The following ITPR2 variants were observed in gnomAD, a reference collection of about 807,000 sequenced individuals.
ITPR2 encodes inositol 1,4,5-trisphosphate receptor type 2.
Under a neutral mutation model 317.1 loss-of-function variants are expected in ITPR2, and 207 were observed. The observed-to-expected ratio is 0.65, with a 90% confidence interval of 0.58 to 0.73. The LOEUF (loss-of-function observed/expected upper bound fraction) is 0.73, where lower values mean the gene tolerates loss of function less well. Ranked by LOEUF, ITPR2 falls within the 30% of genes least tolerant of loss-of-function variation. The pLI, the probability that ITPR2 is intolerant of heterozygous loss-of-function variation, is 0.00. For missense variants in ITPR2, 2,613 were observed against 3,284.0 expected (o/e 0.80, Z 4.99); for synonymous variants, 1,156 against 1,149.1 (o/e 1.01, Z -0.12).
chr12:26,477,423 T>G (rs1274841296), intron 43 of ITPR2, among the ~76,000 whole-genome samples: 1 of 152,080 alleles, frequency 6.6e-6, no homozygotes, highest in Non-Finnish European at 1.5e-5. Context: ...TTTAGCACAA[T>G]TGTTAAAATG....
chr12:26,490,377 A>T (rs12426074), intron 39 of ITPR2, among the ~76,000 whole-genome samples: 43,009 of 152,140 alleles, frequency 0.28, 6,862 homozygotes, highest in East Asian at 0.56. Flanking sequence ...CATTCACAGA[A>T]CCATTCACTT....
rs921016569 is a variant in ITPR2, at chr12:26,522,988, C to A, written c.5073+27259G>T. On this transcript the variant is annotated intron_variant, in intron 37 of 56. Coordinates refer to ENST00000381340, the MANE Select transcript of ITPR2 (RefSeq NM_002223.4). ...CATTTCGATGCCTTGGGTTTCAGCT[C>A]AGTGTCTGAACAATTCTAACGAGCA... Among the ~76,000 whole-genome samples the A allele has an allele frequency of 6.6e-5, 10 of 152,312 alleles. No homozygotes were observed. In the East Asian group the frequency reaches 1.9e-3, roughly 29 times the overall value.
intron 37 of ITPR2, among the ~76,000 whole-genome samples, chr12:26,547,547 CTGAG>C (rs1291899344): frequency 1.3e-5 from 2 of 152,208 alleles, no homozygotes; most frequent in Admixed American, 1.3e-4. Context: ...AATCCCACTA[CTGAG>C]TATTTATCCA....
At chr12:26,403,138 G>A (rs1940236295) in intron 52 of ITPR2, among the ~76,000 whole-genome samples, 1 of 152,150 alleles carries the variant, frequency 6.6e-6, no homozygotes, top group African/African-American at 2.4e-5. Context: ...AAACCAATGA[G>A]GGAAGACATT....
intron 13 of ITPR2, among the ~76,000 whole-genome samples, chr12:26,681,184 C>A (rs949015692): frequency 6.6e-6 from 1 of 152,174 alleles, no homozygotes; most frequent in African/African-American, 2.4e-5. Context: ...AACTATGCAG[C>A]TTTACCTTGT....
chr12:26,412,847 G>C (rs1160015151), intron 51 of ITPR2, among the ~76,000 whole-genome samples: 1 of 152,148 alleles, frequency 6.6e-6, no homozygotes, highest in African/African-American at 2.4e-5. Context: ...AGAGCTACCA[G>C]CCACTACTTT....
Position 26,483,701 on chromosome 12 carries a change from A to G in ITPR2, c.6009T>C (p.Asn2003=), listed in dbSNP as rs553313652. 2 of 1,613,164 alleles carry G rather than the reference A, an allele frequency of 1.2e-6. No individual in the cohort carries two copies. The highest frequency in any genetic ancestry group is 4.5e-5 in the East Asian group (2 of 44,882). Residue 2003 remains asparagine, a synonymous_variant, in exon 42 of 57, where the codon AAT becomes AAC. Transcript: ENST00000381340. ...TEYCQGPCHE[N]QTCIATHESN... ...AGTCATGGATACTTCTGGTTACCTG[A>G]TTTTCATGGCAAGGGCCCTGGCAAT...
intron 29 of ITPR2, 92 bp downstream of exon 29, chr12:26,599,895 A>G (rs1261734090): frequency 1.7e-5 from 15 of 906,348 alleles, no homozygotes; most frequent in Non-Finnish European, 2.5e-5. Flanking sequence ...AAATGAAGCA[A>G]GGAAGTGTAA....
chr12:26,750,847 T>C (rs1037589305), intron 2 of ITPR2, among the ~76,000 whole-genome samples: 3 of 152,234 alleles, frequency 2.0e-5, no homozygotes, highest in African/African-American at 7.2e-5. Flanking sequence ...TAATGTTTCA[T>C]ACACTGTGCT....
intron 10 of ITPR2, 151 bp from the exon 11 acceptor site, chr12:26,686,783 C>T (rs1948135503): frequency 2.9e-6 from 2 of 698,010 alleles, no homozygotes; most frequent in Admixed American, 2.9e-5. Context: ...TAGCTCTAGC[C>T]CGACAGCCAT....
At chr12:26,606,403 T>C (rs910312114) in intron 26 of ITPR2, among the ~76,000 whole-genome samples, 3 of 152,218 alleles carry the variant, frequency 2.0e-5, no homozygotes, top group Admixed American at 6.5e-5. Flanking sequence ...GGTAGCTGTA[T>C]TTTTAATTGC....
At chr12:26,421,488 G>A (rs577944452) in intron 49 of ITPR2, 31 of 139,950 alleles carry the variant, frequency 2.2e-4, no homozygotes, top group East Asian at 7.8e-4. Context: ...GAAAGAAGTT[G>A]AGCTGTGAAT....
In ITPR2 at chr12:26,568,015, T is replaced by TTATATA. The variant is rs1945053837; in HGVS notation, c.4631-6064_4631-6063insTATATA. On this transcript the variant is annotated intron_variant, in intron 34 of 56. Transcript: ENST00000381340. ...ATATATATTATATATATTATATATA[T>TTATATA]ATATATATATATATATAAAATGTCA... 3.5e-5 allele frequency among the ~76,000 whole-genome samples: 3 copies of TTATATA among 84,944 alleles called. 1 individual carries two copies. Among genetic ancestry groups the TTATATA allele is most frequent in the African/African-American group, 8.2e-5 (2 of 24,452 alleles). The allele number at this position is 84,944 out of a possible 152,430, so 55.7% of individuals were successfully genotyped here.
At chr12:26,771,194 T>A (rs1275932341) in intron 2 of ITPR2, among the ~76,000 whole-genome samples, 1 of 152,212 alleles carries the variant, frequency 6.6e-6, no homozygotes, top group Non-Finnish European at 1.5e-5. Flanking sequence ...ACATAAAGAC[T>A]TGGACATGTA....
At chr12:26,429,493 C>A (rs1476254735) in intron 48 of ITPR2, among the ~76,000 whole-genome samples, 2 of 152,088 alleles carry the variant, frequency 1.3e-5, no homozygotes, top group Admixed American at 6.5e-5. Context: ...GTAAGCACTC[C>A]ACATCTACCA....
intron 37 of ITPR2, among the ~76,000 whole-genome samples, chr12:26,540,669 T>G (rs1430916296): frequency 1.3e-5 from 2 of 152,156 alleles, no homozygotes; most frequent in Non-Finnish European, 2.9e-5. Context: ...TTATGTGAGA[T>G]TTTGAAAGAG....
At chr12:26,584,852 T>C (rs1945483941) in intron 32 of ITPR2, among the ~76,000 whole-genome samples, 1 of 152,256 alleles carries the variant, frequency 6.6e-6, no homozygotes, top group South Asian at 2.1e-4. Flanking sequence ...TAAGATCACT[T>C]TAGTATTTTA....
chr12:26,600,764 A>C, intron 28 of ITPR2, among the ~76,000 whole-genome samples: 2 of 147,756 alleles, frequency 1.4e-5, no homozygotes, highest in Admixed American at 6.8e-5. Flanking sequence ...CTCTGCTCTC[A>C]CTCTATTTCC....
At chr12:26,765,825 T>C (rs1223036683) in intron 2 of ITPR2, among the ~76,000 whole-genome samples, 1 of 152,138 alleles carries the variant, frequency 6.6e-6, no homozygotes, top group African/African-American at 2.4e-5. Flanking sequence ...CCCTCGGCAA[T>C]CATTAATCTA....
Sources: gnomAD v4.1 joint callset for allele counts (sites outside exome capture counted in the v4.1 genomes callset) on GRCh38, gnomAD v4.1.1 for gene constraint, MANE v1.5 for transcripts, NCBI Gene and HGNC (gene_info 2026-07-23, HGNC 2026-07-21) for gene names.